Variants in SLC14A2 observed in about 807,000 individuals in gnomAD.
SLC14A2 encodes solute carrier family 14 member 2, also known as urea transporter 2.
Under a neutral mutation model 104.6 loss-of-function variants are expected in SLC14A2, and 91 were observed. That is an observed-to-expected ratio of 0.87 (90% CI 0.73 to 1.04). The LOEUF is 1.04. SLC14A2 is among the 50% of genes least tolerant of loss of function. The probability of loss-of-function intolerance (pLI) is 0.00; values close to 1 mark genes in which losing one functional copy is unlikely to be tolerated. For missense variants in SLC14A2, 1,189 were observed against 1,156.0 expected, an observed-to-expected ratio of 1.03 and a Z score of -0.41; for synonymous variants, 476 against 466.4, an observed-to-expected ratio of 1.02 and a Z score of -0.27.
chr18:45,459,702 G>A (rs745995675), intron 1 of SLC14A2, among the ~76,000 whole-genome samples: 1 of 152,212 alleles, frequency 6.6e-6, no homozygotes, highest in Non-Finnish European at 1.5e-5. Flanking sequence ...CTCCTGGCCT[G>A]ACATTCAGAG....
chr18:45,341,033 C>G (rs1216695739), intron 1 of SLC14A2, among the ~76,000 whole-genome samples: 3 of 152,162 alleles, frequency 2.0e-5, no homozygotes, highest in Admixed American at 1.3e-4. Context: ...GCCAGGAAGT[C>G]CATCTCAGAT....
chr18:45,279,821 C>T (rs2084743144), intron 1 of SLC14A2, among the ~76,000 whole-genome samples: 1 of 152,170 alleles, frequency 6.6e-6, no homozygotes, highest in East Asian at 1.9e-4. Flanking sequence ...ACAGAAGCTG[C>T]CATCAGTGAA....
At chr18:45,431,411 T>G (rs2086513099) in intron 1 of SLC14A2, among the ~76,000 whole-genome samples, 1 of 152,146 alleles carries the variant, frequency 6.6e-6, no homozygotes, top group African/African-American at 2.4e-5. Flanking sequence ...TTCTTTCCCA[T>G]GAAATAAAGA....
At chr18:45,573,944 G>A (rs1216022991) in intron 2 of SLC14A2, among the ~76,000 whole-genome samples, 1 of 152,238 alleles carries the variant, frequency 6.6e-6, no homozygotes, top group Admixed American at 6.5e-5. Context: ...AGAAAATAGA[G>A]ATCAAGGCAA....
chr18:45,456,722 G>A (rs1709379132), intron 1 of SLC14A2, among the ~76,000 whole-genome samples: 1 of 150,856 alleles, frequency 6.6e-6, no homozygotes, highest in South Asian at 2.1e-4. Context: ...TGAGAGAGTG[G>A]TGTTTTTTTC....
chr18:45,574,984 G>A lies in SLC14A2; in HGVS notation c.-34-49647G>A, dbSNP rs2044399053. Among the ~76,000 whole-genome samples, 2 of 152,200 alleles carry A rather than the reference G, an allele frequency of 1.3e-5. 1 individual carries two copies. The highest frequency in any genetic ancestry group is 4.1e-4 in the South Asian group (2 of 4,832). ...CACCAGTGATATCTATCCTCAGAAA[G>A]ATGAAGCAAGGAGGAGCTCTGTCCA... On this transcript the variant is annotated intron_variant, in intron 2 of 20. Coordinates refer to the SLC14A2 transcript ENST00000586448.
the SLC14A2 span, among the ~76,000 whole-genome samples, chr18:45,177,677 C>T: frequency 1.3e-5 from 2 of 152,168 alleles, no homozygotes; most frequent in Admixed American, 6.6e-5. Flanking sequence ...ACTCTTTCCC[C>T]TCACAATATA....
chr18:45,366,307 C>T (rs2085665112), intron 1 of SLC14A2, among the ~76,000 whole-genome samples: 1 of 152,166 alleles, frequency 6.6e-6, no homozygotes. Flanking sequence ...TGGCCTCCTT[C>T]CACAACTGCT....
chr18:45,205,406 G>A, the SLC14A2 span, among the ~76,000 whole-genome samples: 2 of 152,278 alleles, frequency 1.3e-5, no homozygotes, highest in South Asian at 4.1e-4. Context: ...GCTGTAAGTT[G>A]CAAAACATTT....
At chr18:45,491,719 G>A (rs113146428) in intron 2 of SLC14A2, among the ~76,000 whole-genome samples, 35 of 152,282 alleles carry the variant, frequency 2.3e-4, no homozygotes, top group African/African-American at 7.9e-4. Context: ...GGCTACAGGA[G>A]AGCAGAGCTG....
intron 2 of SLC14A2, among the ~76,000 whole-genome samples, chr18:45,599,257 C>T (rs909238069): frequency 6.6e-6 from 1 of 152,170 alleles, no homozygotes; most frequent in African/African-American, 2.4e-5. Flanking sequence ...CGCTAATAAC[C>T]AGCACAATTA....
chr18:45,335,203 A>C (rs1231686919), intron 1 of SLC14A2, among the ~76,000 whole-genome samples: 1 of 152,078 alleles, frequency 6.6e-6, no homozygotes, highest in Non-Finnish European at 1.5e-5. Flanking sequence ...CACTCCAAGC[A>C]GCCTCTGATC....
rs534176280 is a variant in SLC14A2 at position 45,427,734 on chromosome 18, A to G, written c.-124-55499A>G. 3.9e-5 allele frequency among the ~76,000 whole-genome samples: 6 copies of G among 152,256 alleles called. No homozygotes were observed. The South Asian group carries it at 1.2e-3, about 32-fold the overall frequency. ...ATTAAATGGGATCAGAAATGTGACTATATTTGGGAAGAAACGGATGTGAGG... is the reference window on the plus strand; with the variant it reads ...ATTAAATGGGATCAGAAATGTGACTGTATTTGGGAAGAAACGGATGTGAGG... On this transcript the variant is annotated intron_variant, in intron 1 of 20. Coordinates refer to the SLC14A2 transcript ENST00000586448.
intron 2 of SLC14A2, among the ~76,000 whole-genome samples, chr18:45,554,755 A>G (rs1443809723): frequency 6.6e-6 from 1 of 152,180 alleles, no homozygotes; most frequent in Non-Finnish European, 1.5e-5. Flanking sequence ...GACCAGTTCC[A>G]AGGAGAAGAG....
intron 1 of SLC14A2, among the ~76,000 whole-genome samples, chr18:45,417,068 C>G (rs2086285751): frequency 6.6e-6 from 1 of 152,152 alleles, no homozygotes; most frequent in African/African-American, 2.4e-5. Flanking sequence ...AGCTGGCTCT[C>G]TATCATAGGC....
chr18:45,348,165 A>T (rs2085468001), intron 1 of SLC14A2, among the ~76,000 whole-genome samples: 1 of 152,228 alleles, frequency 6.6e-6, no homozygotes, highest in Non-Finnish European at 1.5e-5. Context: ...CCTTGGATGC[A>T]CTGGCTCAAA....
At chr18:45,471,522 A>C (rs539161093) in intron 1 of SLC14A2, among the ~76,000 whole-genome samples, 11 of 152,252 alleles carry the variant, frequency 7.2e-5, no homozygotes, top group African/African-American at 2.6e-4. Context: ...AGTATTCTTC[A>C]AATACTACAT....
intron 1 of SLC14A2, among the ~76,000 whole-genome samples, chr18:45,235,250 T>G (rs1212118915): frequency 6.6e-6 from 1 of 152,206 alleles, no homozygotes; most frequent in East Asian, 1.9e-4. Flanking sequence ...TCTAAACAGA[T>G]TCTCCTTTTC....
chr18:45,526,217 G>A (rs112960771), intron 2 of SLC14A2, among the ~76,000 whole-genome samples: 1,758 of 152,244 alleles, frequency 0.012, 14 homozygotes, highest in Middle Eastern at 0.02. Flanking sequence ...GACCCCTCAT[G>A]GTTTTTAGTC....
Sources: gnomAD v4.1 joint callset for allele counts (sites outside exome capture counted in the v4.1 genomes callset) on GRCh38, gnomAD v4.1.1 for gene constraint, MANE v1.5 for transcripts, NCBI Gene and HGNC (gene_info 2026-07-23, HGNC 2026-07-21) for gene names.